Variants in ABLIM2 observed in about 807,000 individuals in gnomAD.
The protein encoded by ABLIM2 is actin binding LIM protein family member 2.
Under a neutral mutation model 97.7 loss-of-function variants are expected in ABLIM2, and 53 were observed. That is an observed-to-expected ratio of 0.54 (90% CI 0.44 to 0.68). The LOEUF (loss-of-function observed/expected upper bound fraction) is 0.68. Among genes scored for constraint, ABLIM2 ranks in the 30% least tolerant of loss-of-function variants. The pLI is 0.00. For synonymous variants in ABLIM2, 361 were observed against 345.8 expected (o/e 1.04, Z -0.49); for missense variants, 835 against 867.2 (o/e 0.96, Z 0.47).
chr4:8,100,296 T>C (rs2152697191), intron 2 of ABLIM2, among the ~76,000 whole-genome samples: 1 of 152,324 alleles, frequency 6.6e-6, no homozygotes, highest in African/African-American at 2.4e-5. Flanking sequence ...AATAGATGCC[T>C]GGGCTTTAGA....
At position 8,054,163 on chromosome 4, in the gene ABLIM2, A is replaced by C. The variant is rs779783670; in HGVS notation, c.822+25T>G. 8.4e-5 allele frequency: 136 copies of C among 1,613,040 alleles called. No individual in the cohort carries two copies. The highest frequency in any genetic ancestry group is 1.1e-4 in the Non-Finnish European group (132 of 1,179,102). ...GTGCAGGAGCAGTGAAGGGTACATC[A>C]GAGACACCAGTGAATGCCACCAACC... On this transcript the variant is annotated intron_variant, in intron 8 of 20. Transcript: ENST00000447017. The surrounding 1 kb of genome is among the most constrained non-coding windows in gnomAD (Gnocchi z 4.9).
rs1822766625 is a variant in ABLIM2, at chr4:8,085,381, A to G, written c.454+2788T>C. ...GGCCTCCAGATGTACCGAGAACACC[A>G]CGGCGTGGCTTTGGAGGAAGCTGCC... is the stretch of plus-strand genomic sequence containing the variant. On this transcript the variant is annotated intron_variant, in intron 4 of 20. Transcript: ENST00000447017. The surrounding 1 kb of genome is among the most constrained non-coding windows in gnomAD (Gnocchi z 6.1). 2.0e-5 allele frequency among the ~76,000 whole-genome samples: 3 copies of G among 152,212 alleles called. 1 individual carries two copies. In the South Asian group the frequency reaches 6.2e-4, roughly 32 times the overall value.
Position 7,986,029 on chromosome 4 carries a change from G to C in ABLIM2, c.1681-1136C>G, listed in dbSNP as rs58253022. 0.011 allele frequency among the ~76,000 whole-genome samples: 1,678 copies of C among 152,326 alleles called. 22 individuals are homozygous for C. The highest frequency in any genetic ancestry group is 0.037 in the African/African-American group (1,523 of 41,580). On this transcript the variant is annotated intron_variant, in intron 17 of 20. Transcript: ENST00000447017. The surrounding 1 kb of genome is among the most constrained non-coding windows in gnomAD (Gnocchi z 4.3). Reference sequence around the variant, plus strand: ...GCTCTGTTGCGGTTGTGCCTTGGCTGCCCGCGGTGGACGGAGCCTGTTGAA... The same window carrying C: ...GCTCTGTTGCGGTTGTGCCTTGGCTCCCCGCGGTGGACGGAGCCTGTTGAA...
At chr4:7,984,247 G>A (rs2149706172) in intron 18 of ABLIM2, among the ~76,000 whole-genome samples, 1 of 152,306 alleles carries the variant, frequency 6.6e-6, no homozygotes, top group African/African-American at 2.4e-5. Context: ...GAGGCCCGGG[G>A]ACTGAAGGCC....
intron 19 of ABLIM2, 62 bp from the exon 20 acceptor site, chr4:7,983,406 C>T (rs1311214816): frequency 6.3e-7 from 1 of 1,585,902 alleles, no homozygotes; most frequent in Non-Finnish European, 8.6e-7. Context: ...CACCAAAGAA[C>T]TGAGCAGAAG....
Position 8,054,103 on chromosome 4 carries a change from A to T in ABLIM2, c.822+85T>A. 1 of 1,481,444 alleles carries T rather than the reference A, an allele frequency of 6.8e-7. No homozygotes were observed. The highest frequency in any genetic ancestry group is 1.1e-5 in the South Asian group (1 of 87,814). 91.8% of individuals were successfully genotyped at this position (1,481,444 alleles called of 1,614,324 possible). A position where few individuals can be genotyped will look rare whatever the true frequency, so the allele number is the denominator to read the frequency against. ...GTGGGACTGGACAATGAGCCTGTAG[A>T]ATCTGGTCAGTGTCCTCTTAACTGT... On this transcript the variant is annotated intron_variant, in intron 8 of 20. Transcript: ENST00000447017. This position sits in a 1 kb window ranked among gnomAD's most constrained non-coding sequence, Gnocchi z 4.9.
chr4:8,119,167 C>T (rs932443663), intron 1 of ABLIM2, among the ~76,000 whole-genome samples: 5 of 152,060 alleles, frequency 3.3e-5, no homozygotes, highest in Admixed American at 2.6e-4. Flanking sequence ...GATCACTGGT[C>T]TCAAACGTGT....
At chr4:8,086,757 A>G (rs1320527340) in intron 4 of ABLIM2, among the ~76,000 whole-genome samples, 1 of 152,172 alleles carries the variant, frequency 6.6e-6, no homozygotes, top group Non-Finnish European at 1.5e-5. Context: ...GAATTTAATT[A>G]TAACAGTACT....
At position 8,003,335 on chromosome 4, in the gene ABLIM2, G is replaced by A. The variant is rs565096718; in HGVS notation, c.1618+4724C>T. Among the ~76,000 whole-genome samples the A allele has an allele frequency of 1.1e-3, 167 of 152,322 alleles. 1 individual carries two copies. Among genetic ancestry groups the A allele is most frequent in the Non-Finnish European group, 1.9e-3 (131 of 68,034 alleles). ...CCTGGTGCATCATAGAGGGCTGGCC[G>A]TCTCATGTCATTCGCTGAATGCTGT... On this transcript the variant is annotated intron_variant, in intron 16 of 20. Coordinates refer to ENST00000447017, the MANE Select transcript of ABLIM2 (RefSeq NM_001130083.2). This position sits in a 1 kb window ranked among gnomAD's most constrained non-coding sequence, Gnocchi z 4.2.
At position 8,088,336 on chromosome 4, in the gene ABLIM2, G is replaced by A. The variant is rs117015277; in HGVS notation, c.339-52C>T. Reference sequence around the variant, plus strand: ...CAGGCCCACCTTCTGGCTCCTCTCTGGGGGAGCCCTGTCCCAGTGCAGGAG... The same window carrying A: ...CAGGCCCACCTTCTGGCTCCTCTCTAGGGGAGCCCTGTCCCAGTGCAGGAG... On this transcript the variant is annotated intron_variant, in intron 3 of 20. Coordinates refer to ENST00000447017, the MANE Select transcript of ABLIM2 (RefSeq NM_001130083.2). 7,623 of 1,442,396 alleles carry A rather than the reference G, an allele frequency of 5.3e-3. 180 individuals carry two copies. The East Asian group carries it at 0.057, about 11-fold the overall frequency. 89.3% of individuals were successfully genotyped at this position (1,442,396 alleles called of 1,614,324 possible). A position where few individuals can be genotyped will look rare whatever the true frequency, so the allele number is the denominator to read the frequency against.
intron 1 of ABLIM2, among the ~76,000 whole-genome samples, chr4:8,117,711 A>G (rs969103586): frequency 1.3e-5 from 2 of 152,030 alleles, no homozygotes; most frequent in Non-Finnish European, 2.9e-5. Flanking sequence ...CTCGACCGAG[A>G]AGACCTAACC....
intron 18 of ABLIM2, among the ~76,000 whole-genome samples, chr4:7,984,457 G>C (rs1196877595): frequency 6.6e-6 from 1 of 152,242 alleles, no homozygotes; most frequent in Non-Finnish European, 1.5e-5. Context: ...AACCCGGAGA[G>C]TTCACGCGGC....
intron 20 of ABLIM2, among the ~76,000 whole-genome samples, chr4:7,977,966 G>A (rs992521768): frequency 6.6e-6 from 1 of 152,106 alleles, no homozygotes; most frequent in Non-Finnish European, 1.5e-5. Flanking sequence ...GAGATGATGT[G>A]CAAGAGATTT....
chr4:8,112,654 T>C lies in ABLIM2; in HGVS notation c.11-6017A>G, dbSNP rs1840912397. Among the ~76,000 whole-genome samples the C allele has an allele frequency of 6.6e-6, 1 of 152,132 alleles. No homozygotes were observed. The highest frequency in any genetic ancestry group is 1.5e-5 in the Non-Finnish European group (1 of 68,016). On this transcript the variant is annotated intron_variant, in intron 1 of 20. Transcript: ENST00000447017. This position sits in a 1 kb window ranked among gnomAD's most constrained non-coding sequence, Gnocchi z 4.2. ...AAAAGGCAAGACAGTAAATACAGTG[T>C]AGGCCCCAGGGACACCACAGTGAAC...
chr4:8,007,775 G>C (rs1578487299), intron 16 of ABLIM2: 2 of 1,213,566 alleles, frequency 1.6e-6, no homozygotes, highest in African/African-American at 3.1e-5. Flanking sequence ...AACAGCCCAG[G>C]AGCAGGTCTG....
intron 3 of ABLIM2, among the ~76,000 whole-genome samples, chr4:8,089,148 T>C (rs4282156): frequency 0.44 from 67,129 of 152,048 alleles, 15,266 homozygotes; most frequent in African/African-American, 0.55. Flanking sequence ...GTGCCTGGAG[T>C]GAGGCCAGGT....
At position 8,032,823 on chromosome 4, in the gene ABLIM2, G is replaced by A. The variant is rs1294377787; in HGVS notation, c.1048-3047C>T. ...CCAGACAGGAAAAGAACTCTACCCC[G>A]AGAGACACAAGTCAGGGTTCCAGAA... On this transcript the variant is annotated intron_variant, in intron 10 of 20. Transcript: ENST00000447017. This position sits in a 1 kb window ranked among gnomAD's most constrained non-coding sequence, Gnocchi z 4.3. 5 of 820,502 alleles carry A rather than the reference G, an allele frequency of 6.1e-6. No individual in the cohort carries two copies. Among genetic ancestry groups the A allele is most frequent in the East Asian group, 2.6e-5 (1 of 38,092 alleles). 50.8% of individuals were successfully genotyped at this position (820,502 alleles called of 1,614,324 possible). A position where few individuals can be genotyped will look rare whatever the true frequency, so the allele number is the denominator to read the frequency against.
At chr4:8,098,068 C>T (rs1405337475) in intron 2 of ABLIM2, among the ~76,000 whole-genome samples, 2 of 152,222 alleles carry the variant, frequency 1.3e-5, no homozygotes, top group African/African-American at 2.4e-5. Flanking sequence ...CAGTCCATGT[C>T]CTGAGACCCG....
Position 8,088,250 on chromosome 4 carries a change from T to C in ABLIM2, c.373A>G (p.Asn125Asp), listed in dbSNP as rs1417915315. 1 of 1,612,674 alleles carries C rather than the reference T, an allele frequency of 6.2e-7. No homozygotes were observed. The highest frequency in any genetic ancestry group is 8.5e-7 in the Non-Finnish European group (1 of 1,179,532). The change falls in exon 4 of 21, where the codon AAC (asparagine) becomes GAC (aspartate). Residue 125 changes from asparagine to aspartate, a missense_variant. Coordinates refer to ENST00000447017, the MANE Select transcript of ABLIM2 (RefSeq NM_001130083.2). ...TTCTGGCACATGCATTCCTTCCCGTTGAAGGTCACTCGGTCCCCGGGGGGG... is the reference window on the plus strand; with the variant it reads ...TTCTGGCACATGCATTCCTTCCCGTCGAAGGTCACTCGGTCCCCGGGGGGG... ...PFPPGDRVTF[N>D]GKECMCQKCS...
Sources: allele counts gnomAD v4.1 joint callset (sites outside exome capture counted in the v4.1 genomes callset), GRCh38; gene constraint gnomAD v4.1.1; non-coding constraint Gnocchi (gnomAD v3.1); transcripts MANE v1.5; gene names NCBI Gene and HGNC (gene_info 2026-07-23, HGNC 2026-07-21).